DBNDD1: variants seen among roughly 807,000 people sequenced by gnomAD.
DBNDD1 encodes dysbindin domain containing 1.
In DBNDD1, 14 loss-of-function variants were observed where a neutral mutation model predicts 17.0. That is an observed-to-expected ratio of 0.82 (90% CI 0.54 to 1.29). The LOEUF is 1.29. Among genes scored for constraint, DBNDD1 ranks in the 50% most tolerant of loss-of-function variants. The probability of loss-of-function intolerance (pLI) is 0.00; values close to 1 mark genes in which losing one functional copy is unlikely to be tolerated. For synonymous variants in DBNDD1, 105 were observed against 102.0 expected (o/e 1.03, Z -0.18); for missense variants, 221 against 216.2 (o/e 1.02, Z -0.14).
At chr16:90,009,917 G>A (rs764535919) in intron 1 of DBNDD1, 145 of 1,590,784 alleles carry the variant, frequency 9.1e-5, no homozygotes, top group Non-Finnish European at 6.9e-6. Flanking sequence ...TCGTATTTGA[G>A]TTCAGAATAA....
At chr16:90,011,108 G>A (rs2035546985) in intron 1 of DBNDD1, among the ~76,000 whole-genome samples, 1 of 152,366 alleles carries the variant, frequency 6.6e-6, no homozygotes, top group South Asian at 2.1e-4. Context: ...GCTGCCAGCA[G>A]CACCCTGAGG....
At position 90,009,319 on chromosome 16, in the gene DBNDD1, G is replaced by A. The variant is rs758725253; in HGVS notation, c.143C>T (p.Pro48Leu). Residue 48 changes from proline to leucine, a missense_variant, in exon 2 of 4, where the codon CCA (proline) becomes CTA (leucine). By Grantham distance (98) the Pro-to-Leu change is moderately conservative. Transcript: ENST00000002501. ...VEEEVGGIPV[P>L]APGLLQVTER... ...CGTGACCTGCAGGAGCCCCGGTGCTGGTACTGGGATGCCCCCGACCTCCTC... is the reference window on the plus strand; with the variant it reads ...CGTGACCTGCAGGAGCCCCGGTGCTAGTACTGGGATGCCCCCGACCTCCTC... 6.2e-7 allele frequency: 1 copy of A among 1,613,456 alleles called. No homozygotes were observed. Among genetic ancestry groups the A allele is most frequent in the Non-Finnish European group, 8.5e-7 (1 of 1,179,996 alleles).
At chr16:90,008,011 C>T in intron 3 of DBNDD1, among the ~76,000 whole-genome samples, 1 of 148,644 alleles carries the variant, frequency 6.7e-6, no homozygotes, top group Admixed American at 6.7e-5. Flanking sequence ...GCCTCACCCC[C>T]CAAACACACC....
chr16:90,015,264 A>G (rs1001851793), intron 1 of DBNDD1, among the ~76,000 whole-genome samples: 33 of 152,194 alleles, frequency 2.2e-4, no homozygotes, highest in African/African-American at 7.7e-4. Flanking sequence ...TTTTTTGGCC[A>G]GAAGAATGTG....
rs1038298162 is a variant in DBNDD1 at position 90,006,226 on chromosome 16, G to A, written c.*109C>T. On this transcript the variant is annotated 3_prime_UTR_variant, in exon 4 of 4. Coordinates refer to ENST00000002501, the MANE Select transcript of DBNDD1 (RefSeq NM_001042610.3). ...CCCAGGGTGTGTGTCAGGAGGTGAC[G>A]GCTGGAGCCTCGTGGGCGGGTGAAG... 51 of 1,414,154 alleles carry A rather than the reference G, an allele frequency of 3.6e-5. No individual in the cohort carries two copies. Among genetic ancestry groups the A allele is most frequent in the African/African-American group, 5.7e-5 (4 of 70,582 alleles). The allele number at this position is 1,414,154 out of a possible 1,614,324, so 87.6% of individuals were successfully genotyped here. A position where few individuals can be genotyped will look rare whatever the true frequency, so the allele number is the denominator to read the frequency against.
chr16:90,009,775 C>G, intron 1 of DBNDD1: 2 of 695,044 alleles, frequency 2.9e-6, no homozygotes, highest in South Asian at 3.9e-5. Context: ...CCGTCCTGGC[C>G]TCTGATTTCT....
At chr16:90,013,619 C>T (rs961175764) in intron 1 of DBNDD1, among the ~76,000 whole-genome samples, 6 of 152,142 alleles carry the variant, frequency 3.9e-5, no homozygotes, top group African/African-American at 7.2e-5. Context: ...CCTGGGGGGA[C>T]GTGGATCTCT....
chr16:90,006,513 GA>G (rs1178403477), intron 3 of DBNDD1, 21 bp from the exon 4 acceptor site: 1 of 1,592,320 alleles, frequency 6.3e-7, no homozygotes, highest in Admixed American at 1.7e-5. Context: ...GCGGGAAGGG[GA>G]ACTCGGTGTG....
rs377162607 is a variant in DBNDD1, at chr16:90,010,054, T to C, written c.32-624A>G. The C allele has an allele frequency of 1.1e-4, 172 of 1,613,780 alleles. 1 individual carries two copies. Among genetic ancestry groups the C allele is most frequent in the Non-Finnish European group, 1.3e-4 (157 of 1,179,898 alleles). On this transcript the variant is annotated intron_variant, in intron 1 of 3. Transcript: ENST00000002501. ...TCTTCCAGGTTTCTCCCATGTTTAT[T>C]TATTTTTTTTAGATGGAGTCTCGCT...
intron 1 of DBNDD1, among the ~76,000 whole-genome samples, chr16:90,012,022 G>A (rs2035563705): frequency 6.6e-6 from 1 of 152,262 alleles, no homozygotes; most frequent in South Asian, 2.1e-4. Context: ...CTGCTGGACT[G>A]TGCTGTGGTC....
chr16:90,019,608 C>T (rs372597663), upstream of DBNDD1: 1 of 351,570 alleles, frequency 2.8e-6, no homozygotes, highest in East Asian at 4.3e-5. The surrounding 1 kb of genome is among the most constrained non-coding windows in gnomAD (Gnocchi z 6.1). Flanking sequence ...GGCCCCTGGC[C>T]CAGCGGACCC....
In DBNDD1 at chr16:90,006,176, G is replaced by A. The variant is rs559220785; in HGVS notation, c.*159C>T. ...GACCCGTGCCCAGCAGACAAGGCCGGTCTCGGGGCTGGCAGAGAGCTGCCC... is the reference window on the plus strand; with the variant it reads ...GACCCGTGCCCAGCAGACAAGGCCGATCTCGGGGCTGGCAGAGAGCTGCCC... On this transcript the variant is annotated 3_prime_UTR_variant, in exon 4 of 4. Transcript: ENST00000002501. The A allele has an allele frequency of 1.2e-4, 129 of 1,067,076 alleles. No individual in the cohort carries two copies. The African/African-American group carries it at 1.7e-3, about 14-fold the overall frequency. The allele number at this position is 1,067,076 out of a possible 1,614,324, so 66.1% of individuals were successfully genotyped here.
intron 2 of DBNDD1, 123 bp downstream of exon 2, chr16:90,009,161 C>A: frequency 1.4e-6 from 2 of 1,424,184 alleles, no homozygotes; most frequent in Non-Finnish European, 1.9e-6. Context: ...AAGAGCCTAG[C>A]ACACAGCGCC....
chr16:90,006,512 G>A lies in DBNDD1; in HGVS notation c.320-20C>T. On this transcript the variant is annotated intron_variant, in intron 3 of 3. Coordinates refer to ENST00000002501, the MANE Select transcript of DBNDD1 (RefSeq NM_001042610.3). ...GCAGACCTAGGGGCATGCGGGAAGGGGAACTCGGTGTGGCTGAGAGGCCTG... is the reference window on the plus strand; with the variant it reads ...GCAGACCTAGGGGCATGCGGGAAGGAGAACTCGGTGTGGCTGAGAGGCCTG... 1 of 1,592,358 alleles carries A rather than the reference G, an allele frequency of 6.3e-7. No individual in the cohort carries two copies. Among genetic ancestry groups the A allele is most frequent in the Non-Finnish European group, 8.5e-7 (1 of 1,176,024 alleles).
rs368839052 is a variant in DBNDD1 at position 90,008,775 on chromosome 16, C to T, written c.319+9G>A. On this transcript the variant is annotated intron_variant, in intron 3 of 3. Transcript: ENST00000002501. ...ACACCTCCCAGCCCAGCCCTGATGCCGGCCTCACCTGCTGGGGACTCGGTG... is the reference window on the plus strand; with the variant it reads ...ACACCTCCCAGCCCAGCCCTGATGCTGGCCTCACCTGCTGGGGACTCGGTG... 4.6e-5 allele frequency: 73 copies of T among 1,589,306 alleles called. No individual in the cohort carries two copies. Among genetic ancestry groups the T allele is most frequent in the South Asian group, 2.4e-4 (22 of 90,044 alleles).
rs761095207 is a variant in DBNDD1 at position 90,006,416 on chromosome 16, C to G, written c.396G>C (p.Glu132Asp). The change falls in exon 4 of 4, where the codon GAG becomes GAC. Residue 132 changes from glutamate to aspartate, a missense_variant. By Grantham distance (45) the Glu-to-Asp change is conservative. Coordinates refer to ENST00000002501, the MANE Select transcript of DBNDD1 (RefSeq NM_001042610.3). ...GCTCGGGGTCGCCTAGGGGCTGCTT[C>G]TCGTGGCTCTGCTCAGCCCTTGTCC... ...WTRTRAEQSH[E>D]KQPLGDPERQ... The G allele has an allele frequency of 6.2e-7, 1 of 1,604,586 alleles. No individual in the cohort carries two copies. The highest frequency in any genetic ancestry group is 1.7e-5 in the Admixed American group (1 of 59,962).
Position 90,008,840 on chromosome 16 carries a change from A to G in DBNDD1, c.263T>C (p.Leu88Pro). ...GTCCGAGTCAGCAAAGACCTCGGCC[A>G]GCTCCTGGTCCGACATGTCGGTGAG... ...TELTDMSDQELAEVFADSDDE... is the reference protein window; with the variant it reads ...TELTDMSDQEPAEVFADSDDE... The change falls in exon 3 of 4, where the codon CTG (leucine) becomes CCG (proline). Residue 88 changes from leucine to proline, a missense_variant. Transcript: ENST00000002501. 1 of 1,604,932 alleles carries G rather than the reference A, an allele frequency of 6.2e-7. No individual in the cohort carries two copies. The highest frequency in any genetic ancestry group is 8.5e-7 in the Non-Finnish European group (1 of 1,174,072).
At position 90,006,323 on chromosome 16, in the gene DBNDD1, G is replaced by C; in HGVS notation, c.*12C>G. 1.9e-6 allele frequency: 3 copies of C among 1,598,370 alleles called. No homozygotes were observed. The highest frequency in any genetic ancestry group is 2.6e-6 in the Non-Finnish European group (3 of 1,172,590). On this transcript the variant is annotated 3_prime_UTR_variant, in exon 4 of 4. Coordinates refer to ENST00000002501, the MANE Select transcript of DBNDD1 (RefSeq NM_001042610.3). ...CCCCATCCCTGCAGGAGCTGGGGCA[G>C]GTGGAGATGGTCTAGTCCTCCTGGG...
rs1052909025 is a variant in DBNDD1, at chr16:90,005,731, T to C, written c.*604A>G. 1 of 153,462 alleles carries C rather than the reference T, an allele frequency of 6.5e-6. No individual in the cohort carries two copies. The highest frequency in any genetic ancestry group is 2.4e-5 in the African/African-American group (1 of 41,442). 9.5% of individuals were successfully genotyped at this position (153,462 alleles called of 1,614,324 possible). ...GAGCTGAGCCTTGGGGAGGGGACCC[T>C]AGTGAGACAGCGCCTCCGTGGAGTA... On this transcript the variant is annotated 3_prime_UTR_variant, in exon 4 of 4. Coordinates refer to ENST00000002501, the MANE Select transcript of DBNDD1 (RefSeq NM_001042610.3).
Sources: gnomAD v4.1 joint callset for allele counts (sites outside exome capture counted in the v4.1 genomes callset) on GRCh38, gnomAD v4.1.1 for gene constraint, Gnocchi (gnomAD v3.1) non-coding constraint, MANE v1.5 for transcripts, NCBI Gene and HGNC (gene_info 2026-07-23, HGNC 2026-07-21) for gene names.